The following KAZN variants were observed in gnomAD, a reference collection of about 807,000 sequenced individuals.
KAZN encodes the protein kazrin, periplakin interacting protein, also known as kazrin.
Under a neutral mutation model 87.4 loss-of-function variants are expected in KAZN, and 40 were observed. The observed-to-expected ratio is 0.46, with a 90% CI of 0.36 to 0.60. The LOEUF is 0.60. KAZN is among the 20% of genes least tolerant of loss of function. The pLI, the probability that KAZN is intolerant of heterozygous loss-of-function variation, is 0.00. For synonymous variants in KAZN, 466 were observed against 458.3 expected (o/e 1.02, Z -0.22); for missense variants, 898 against 1,073.9 (o/e 0.84, Z 2.29).
chr1:13,975,156 G>A lies in KAZN; in HGVS notation c.91+81400G>A, dbSNP rs140405401. On this transcript the variant is annotated intron_variant, in intron 1 of 16. Coordinates refer to the KAZN transcript ENST00000636203. ...CTACAGTAGGAAGACAGATCATAGA[G>A]TGTGTCAGGGTGGTGGCTGAGTCAG... 2.1e-3 allele frequency among the ~76,000 whole-genome samples: 324 copies of A among 152,280 alleles called. 1 individual carries two copies. Among genetic ancestry groups the A allele is most frequent in the African/African-American group, 7.4e-3 (306 of 41,566 alleles).
intron 1 of KAZN, among the ~76,000 whole-genome samples, chr1:14,830,310 C>T (rs1039082905): frequency 3.3e-5 from 5 of 152,188 alleles, no homozygotes; most frequent in African/African-American, 1.2e-4. Flanking sequence ...AAATGACAGT[C>T]CCAGCAAAGG....
chr1:14,237,398 G>A (rs1325212552), intron 2 of KAZN, among the ~76,000 whole-genome samples: 2 of 152,100 alleles, frequency 1.3e-5, no homozygotes, highest in African/African-American at 4.8e-5. Flanking sequence ...AAAGAGATCA[G>A]ACCTTGGCTT....
chr1:14,556,338 T>C (rs1310242982), intron 2 of KAZN, among the ~76,000 whole-genome samples: 3 of 151,792 alleles, frequency 2.0e-5, no homozygotes, highest in Non-Finnish European at 2.9e-5. Context: ...CTCGATCTCC[T>C]GACCTCGTGA....
At position 14,133,377 on chromosome 1, in the gene KAZN, AAAAGAAAGAAAGAAAG is replaced by A. The variant is rs149462642; in HGVS notation, c.92-47010_92-46995del. Reference sequence around the variant, plus strand: ...TGAGACTCCCTCTCAAAAAAAAAAAAAAAGAAAGAAAGAAAGAAAGAAAGAAAGAAAGAAAGAAAGA... The same window carrying A: ...TGAGACTCCCTCTCAAAAAAAAAAAAAAAGAAAGAAAGAAAGAAAGAAAGA... On this transcript the variant is annotated intron_variant, in intron 1 of 16. Coordinates refer to the KAZN transcript ENST00000636203. 3.8e-3 allele frequency among the ~76,000 whole-genome samples: 272 copies of A among 72,050 alleles called. 7 individuals carry two copies. The highest frequency in any genetic ancestry group is 0.025 in the Middle Eastern group (4 of 158). 47.3% of individuals were successfully genotyped at this position (72,050 alleles called of 152,430 possible).
At chr1:14,577,914 G>A (rs1675291110) in intron 2 of KAZN, among the ~76,000 whole-genome samples, 1 of 152,174 alleles carries the variant, frequency 6.6e-6, no homozygotes, top group Admixed American at 6.6e-5. Flanking sequence ...GGCTGGCAGA[G>A]CTGGGACCCA....
At chr1:14,220,496 T>C (rs1647071922) in intron 2 of KAZN, among the ~76,000 whole-genome samples, 1 of 152,180 alleles carries the variant, frequency 6.6e-6, no homozygotes, top group African/African-American at 2.4e-5. Flanking sequence ...ACTTTTCCTG[T>C]GTGCAAGGCT....
At chr1:14,231,379 G>C (rs1271807591) in intron 2 of KAZN, among the ~76,000 whole-genome samples, 1 of 117,478 alleles carries the variant, frequency 8.5e-6, no homozygotes, top group South Asian at 3.1e-4. Context: ...TAGCCAGAAG[G>C]GGGAGGCTCT....
intron 1 of KAZN, among the ~76,000 whole-genome samples, chr1:14,614,176 C>T (rs1270174776): frequency 1.3e-5 from 2 of 152,228 alleles, no homozygotes; most frequent in Non-Finnish European, 2.9e-5. Context: ...ATCATTTTCT[C>T]ATTTATGCCA....
At chr1:14,481,832 C>G (rs1669101734) in intron 2 of KAZN, among the ~76,000 whole-genome samples, 2 of 152,190 alleles carry the variant, frequency 1.3e-5, no homozygotes, top group African/African-American at 4.8e-5. Flanking sequence ...GACCTTGGCC[C>G]TGCCTTCCTG....
chr1:13,932,819 C>T (rs896370430), intron 1 of KAZN, among the ~76,000 whole-genome samples: 2 of 152,132 alleles, frequency 1.3e-5, no homozygotes, highest in Non-Finnish European at 2.9e-5. Flanking sequence ...GGTTGTCACG[C>T]ATGTATCTTT....
intron 1 of KAZN, chr1:14,924,625 G>A: frequency 2.1e-6 from 2 of 957,162 alleles, no homozygotes; most frequent in Non-Finnish European, 2.5e-6. Context: ...AGGCCCAGGA[G>A]CCGCCGGGGC....
At chr1:15,053,538 C>G (rs1416972524) in intron 4 of KAZN, among the ~76,000 whole-genome samples, 2 of 152,198 alleles carry the variant, frequency 1.3e-5, no homozygotes, top group Non-Finnish European at 1.5e-5. Context: ...GTGCTGGGGA[C>G]TCTGGTGAGC....
At chr1:14,188,963 G>T (rs1570971606) in intron 2 of KAZN, among the ~76,000 whole-genome samples, 2 of 152,206 alleles carry the variant, frequency 1.3e-5, no homozygotes, top group East Asian at 3.9e-4. Context: ...CTTAGAACAG[G>T]AATCCTTATA....
At position 14,582,933 on chromosome 1, in the gene KAZN, T is replaced by C. The variant is rs80072790; in HGVS notation, c.250-16050T>C. Among the ~76,000 whole-genome samples the C allele has an allele frequency of 7.4e-3, 1,132 of 152,306 alleles. 14 individuals carry two copies. Among genetic ancestry groups the C allele is most frequent in the African/African-American group, 0.026 (1,082 of 41,570 alleles). The stretch of plus-strand genomic sequence containing the variant: ...TCAGCCACTAGACCATGAGCACCGT[T>C]AGGGCAGAGACTGGGCCTCCTCCAT... On this transcript the variant is annotated intron_variant, in intron 2 of 16. Transcript: ENST00000636203.
chr1:14,419,616 T>C (rs1025409450), intron 2 of KAZN, among the ~76,000 whole-genome samples: 4 of 152,200 alleles, frequency 2.6e-5, no homozygotes, highest in African/African-American at 9.7e-5. Flanking sequence ...TTCTTAAAGG[T>C]AGTGTGTCCG....
In KAZN at chr1:14,072,286, G is replaced by T. The variant is rs1479305558; in HGVS notation, c.92-108149G>T. 2.6e-5 allele frequency among the ~76,000 whole-genome samples: 4 copies of T among 152,276 alleles called. No homozygotes were observed. The South Asian group carries it at 6.2e-4, about 24-fold the overall frequency. On this transcript the variant is annotated intron_variant, in intron 1 of 16. Coordinates refer to the KAZN transcript ENST00000636203. Reference sequence around the variant, plus strand: ...CATTTAGTGTTTTTAGTTTTGTGTTGTGTTTTTGCTTCTCCAATTTGCTAG... The same window carrying T: ...CATTTAGTGTTTTTAGTTTTGTGTTTTGTTTTTGCTTCTCCAATTTGCTAG...
intron 3 of KAZN, among the ~76,000 whole-genome samples, chr1:15,040,819 G>T (rs369966646): frequency 1.3e-5 from 2 of 151,832 alleles, no homozygotes; most frequent in East Asian, 1.9e-4. Flanking sequence ...AAAACAGAAT[G>T]TGGCAAAACT....
At chr1:14,772,485 C>A (rs1437018364) in intron 1 of KAZN, among the ~76,000 whole-genome samples, 1 of 150,622 alleles carries the variant, frequency 6.6e-6, no homozygotes, top group Non-Finnish European at 1.5e-5. Flanking sequence ...TCCTGCACCA[C>A]CACCCCTGCC....
chr1:14,383,138 T>A (rs907779296), intron 2 of KAZN, among the ~76,000 whole-genome samples: 1 of 152,198 alleles, frequency 6.6e-6, no homozygotes, highest in African/African-American at 2.4e-5. Flanking sequence ...TGTCTGTTCA[T>A]ATCCTTCATC....
Sources: allele counts gnomAD v4.1 joint callset (sites outside exome capture counted in the v4.1 genomes callset), GRCh38; gene constraint gnomAD v4.1.1; transcripts MANE v1.5; gene names NCBI Gene and HGNC (gene_info 2026-07-23, HGNC 2026-07-21).